Variants in XPR1 observed in about 807,000 individuals in gnomAD.
XPR1 encodes solute carrier family 53 member 1.
Under a neutral mutation model 87.5 loss-of-function variants are expected in XPR1, and 28 were observed. That is an observed-to-expected ratio of 0.32 (90% confidence interval 0.24 to 0.44). XPR1 has a LOEUF of 0.44. XPR1 is among the 20% of genes least tolerant of loss of function. XPR1 has a pLI of 1.00. For synonymous variants in XPR1, 300 were observed against 306.1 expected (o/e 0.98, Z 0.21); for missense variants, 559 against 862.3 (o/e 0.65, Z 4.41).
intron 2 of XPR1, among the ~76,000 whole-genome samples, chr1:180,732,450 A>C (rs1658588989): frequency 2.6e-5 from 4 of 152,190 alleles, no homozygotes; most frequent in Admixed American, 2.6e-4. Flanking sequence ...CCTTTAATTG[A>C]ATATTCCAGA....
At chr1:180,880,004 A>G in intron 13 of XPR1, 72 bp from the exon 14 acceptor site, 1 of 1,512,364 alleles carries the variant, frequency 6.6e-7, no homozygotes, top group Non-Finnish European at 9.2e-7. Flanking sequence ...AACTTGATAC[A>G]CTGGGAGGTT....
intron 2 of XPR1, among the ~76,000 whole-genome samples, chr1:180,728,340 A>G (rs1018977235): frequency 1.3e-5 from 2 of 149,714 alleles, no homozygotes; most frequent in African/African-American, 5.1e-5. Context: ...TGGGGCTACA[A>G]GCTGTGGGCA....
At chr1:180,675,820 G>A (rs1656351101) in intron 1 of XPR1, among the ~76,000 whole-genome samples, 1 of 152,148 alleles carries the variant, frequency 6.6e-6, no homozygotes, top group African/African-American at 2.4e-5. Context: ...TAATAATATA[G>A]ACAATACTTC....
chr1:180,683,172 G>GT (rs1326217048), intron 2 of XPR1, among the ~76,000 whole-genome samples: 1 of 148,920 alleles, frequency 6.7e-6, no homozygotes, highest in Non-Finnish European at 1.5e-5. Context: ...GTGACCATGT[G>GT]TTCTCATTGT....
At chr1:180,727,177 A>T (rs1250028751) in intron 2 of XPR1, among the ~76,000 whole-genome samples, 1 of 152,014 alleles carries the variant, frequency 6.6e-6, no homozygotes, top group African/African-American at 2.4e-5. Flanking sequence ...CGTATGCTTT[A>T]ATCTCTAATA....
chr1:180,669,469 G>A (rs979038160), intron 1 of XPR1, among the ~76,000 whole-genome samples: 1 of 151,926 alleles, frequency 6.6e-6, no homozygotes, highest in Non-Finnish European at 1.5e-5. Flanking sequence ...TGCAACCTCC[G>A]CCTTCCGGGT....
chr1:180,696,218 A>ATG lies in XPR1; in HGVS notation c.121+13808_121+13809insGT, dbSNP rs139761473. 7.6e-5 allele frequency among the ~76,000 whole-genome samples: 10 copies of ATG among 130,866 alleles called. No homozygotes were observed. In the East Asian group the frequency reaches 1.8e-3, roughly 24 times the overall value. 85.9% of individuals were successfully genotyped at this position (130,866 alleles called of 152,430 possible). A position where few individuals can be genotyped will look rare whatever the true frequency, so the allele number is the denominator to read the frequency against. On this transcript the variant is annotated intron_variant, in intron 2 of 14. Coordinates refer to ENST00000367590, the MANE Select transcript of XPR1 (RefSeq NM_004736.4). ...TGTGTGTGTGTGTGTGTATATATAT[A>ATG]TATATATATATATTATGGTAGCTAT...
chr1:180,632,240 C>A lies in XPR1; in HGVS notation c.39C>A (p.Pro13=). 1 of 1,612,182 alleles carries A rather than the reference C, an allele frequency of 6.2e-7. No homozygotes were observed. The highest frequency in any genetic ancestry group is 2.2e-5 in the East Asian group (1 of 44,754). Residue 13 remains proline (P), a synonymous_variant, in exon 1 of 15, where the codon CCC becomes CCA. Coordinates refer to ENST00000367590, the MANE Select transcript of XPR1 (RefSeq NM_004736.4). ...FAEHLSAHIT[P]EWRKQYIQYE... is the part of the protein sequence containing the mutation. ...AGCACCTCTCCGCGCACATCACTCC[C>A]GAGTGGAGGAAGCAATACATCCAGT...
rs1255767348 is a variant in XPR1 at position 180,889,720 on chromosome 1, A to C, written c.*5654A>C. ...TGGATTAGCACAGAAGCTTGTATCA[A>C]TGAAGAGTATTTAGGAGGGGAATAG... On this transcript the variant is annotated 3_prime_UTR_variant, in exon 15 of 15. Transcript: ENST00000367590. 6.6e-6 allele frequency: 1 copy of C among 152,252 alleles called. No homozygotes were observed. Among genetic ancestry groups the C allele is most frequent in the African/African-American group, 2.4e-5 (1 of 41,470 alleles). The allele number at this position is 152,252 out of a possible 1,614,324, so 9.4% of individuals were successfully genotyped here.
intron 2 of XPR1, among the ~76,000 whole-genome samples, chr1:180,683,486 T>C (rs1456521471): frequency 6.6e-6 from 1 of 152,186 alleles, no homozygotes; most frequent in Non-Finnish European, 1.5e-5. Context: ...TACCCAGTAA[T>C]GGGATGGCTG....
chr1:180,748,941 A>G (rs1194917762), intron 2 of XPR1, among the ~76,000 whole-genome samples: 1 of 152,240 alleles, frequency 6.6e-6, no homozygotes, highest in African/African-American at 2.4e-5. Flanking sequence ...GCTCACGCCT[A>G]TAATCCCAGC....
intron 2 of XPR1, among the ~76,000 whole-genome samples, chr1:180,719,702 T>C (rs1190047157): frequency 6.6e-6 from 1 of 152,218 alleles, no homozygotes; most frequent in Non-Finnish European, 1.5e-5. Flanking sequence ...TTGGGTTATC[T>C]GTTACTTTAA....
At position 180,887,119 on chromosome 1, in the gene XPR1, A is replaced by T. The variant is rs192247712; in HGVS notation, c.*3053A>T. 2 of 152,384 alleles carry T rather than the reference A, an allele frequency of 1.3e-5. No individual in the cohort carries two copies. The highest frequency in any genetic ancestry group is 4.8e-5 in the African/African-American group (2 of 41,578). The allele number at this position is 152,384 out of a possible 1,614,324, so 9.4% of individuals were successfully genotyped here. On this transcript the variant is annotated 3_prime_UTR_variant, in exon 15 of 15. Coordinates refer to ENST00000367590, the MANE Select transcript of XPR1 (RefSeq NM_004736.4). ...CCTGGGAAGCAGAGGTTGCAGTGAGACTAGATCATGCCACTGCACTCCACT... is the reference window on the plus strand; with the variant it reads ...CCTGGGAAGCAGAGGTTGCAGTGAGTCTAGATCATGCCACTGCACTCCACT...
chr1:180,886,080 TTTAA>T lies in XPR1; in HGVS notation c.*2020_*2023del. On this transcript the variant is annotated 3_prime_UTR_variant, in exon 15 of 15. Transcript: ENST00000367590. ...CTTGGCCCAAATGGAAGAGGAAATG[TTTAA>T]TTAATGCTTTTTAGTTTAAATAAAT... The T allele has an allele frequency of 6.6e-6, 1 of 152,338 alleles. No homozygotes were observed. Among genetic ancestry groups the T allele is most frequent in the Middle Eastern group, 3.4e-3 (1 of 294 alleles). The allele number at this position is 152,338 out of a possible 1,614,324, so 9.4% of individuals were successfully genotyped here.
chr1:180,822,189 A>G (rs778160148), intron 7 of XPR1, among the ~76,000 whole-genome samples: 2 of 152,198 alleles, frequency 1.3e-5, no homozygotes, highest in Non-Finnish European at 2.9e-5. Flanking sequence ...AGTCTTGACA[A>G]AGTACTGAAG....
intron 2 of XPR1, among the ~76,000 whole-genome samples, chr1:180,682,986 C>G (rs942929097): frequency 6.6e-6 from 1 of 151,772 alleles, no homozygotes; most frequent in African/African-American, 2.4e-5. Flanking sequence ...TTTATTATTA[C>G]TATACTTTAA....
At chr1:180,825,452 C>A in intron 9 of XPR1, 108 bp downstream of exon 9, 1 of 1,183,850 alleles carries the variant, frequency 8.4e-7, no homozygotes, top group Non-Finnish European at 1.1e-6. Context: ...GGCCGTGGTT[C>A]ACATTATAGT....
At chr1:180,649,939 TTCC>T (rs1655242070) in intron 1 of XPR1, among the ~76,000 whole-genome samples, 1 of 152,132 alleles carries the variant, frequency 6.6e-6, no homozygotes, top group Non-Finnish European at 1.5e-5. Flanking sequence ...ATACTTCCAC[TTCC>T]TCAACACTTC....
At chr1:180,654,770 T>C (rs1655399279) in intron 1 of XPR1, among the ~76,000 whole-genome samples, 1 of 152,160 alleles carries the variant, frequency 6.6e-6, no homozygotes, top group South Asian at 2.1e-4. Context: ...CTGAATATTA[T>C]TCTACTATAT....
Sources: gnomAD v4.1 joint callset for allele counts (sites outside exome capture counted in the v4.1 genomes callset) on GRCh38, gnomAD v4.1.1 for gene constraint, MANE v1.5 for transcripts, NCBI Gene and HGNC (gene_info 2026-07-23, HGNC 2026-07-21) for gene names.